The following GALNT13 variants were observed in gnomAD, a reference collection of about 807,000 sequenced individuals.
GALNT13 encodes UDP-GalNAc:polypeptide N-acetylgalactosaminyltransferase 13.
A neutral mutation model predicts 64.2 loss-of-function variants in GALNT13; 28 were observed. The observed-to-expected ratio is 0.44, with a 90% CI of 0.32 to 0.60. GALNT13 has a LOEUF of 0.60. GALNT13 is among the 20% of genes least tolerant of loss of function. GALNT13 has a pLI of 0.05. For synonymous variants in GALNT13, 214 were observed against 224.6 expected, an observed-to-expected ratio of 0.95 and a Z score of 0.42; for missense variants, 577 against 669.8, an observed-to-expected ratio of 0.86 and a Z score of 1.53.
At chr2:154,255,444 T>C (rs1369749558) in intron 7 of GALNT13, among the ~76,000 whole-genome samples, 1 of 152,166 alleles carries the variant, frequency 6.6e-6, no homozygotes, top group Non-Finnish European at 1.5e-5. Context: ...TAGAACTTAA[T>C]TCAGCAGGCT....
chr2:153,644,329 A>G, the GALNT13 span, among the ~76,000 whole-genome samples: 1 of 152,014 alleles, frequency 6.6e-6, no homozygotes, highest in African/African-American at 2.4e-5. Flanking sequence ...TTCCTTAACT[A>G]TTTTTCCTCC....
chr2:153,549,001 C>T, the GALNT13 span, among the ~76,000 whole-genome samples: 1 of 152,126 alleles, frequency 6.6e-6, no homozygotes, highest in African/African-American at 2.4e-5. Flanking sequence ...GTAAAAGAAG[C>T]CAGACACAAG....
rs775995187 is a variant in GALNT13 at position 154,050,681 on chromosome 2, CAA to C, written c.143-89654_143-89653del. Among the ~76,000 whole-genome samples, 12 of 152,100 alleles carry C rather than the reference CAA, an allele frequency of 7.9e-5. No homozygotes were observed. The East Asian group carries it at 2.1e-3, about 27-fold the overall frequency. On this transcript the variant is annotated intron_variant, in intron 3 of 12. Coordinates refer to ENST00000392825, the MANE Select transcript of GALNT13 (RefSeq NM_052917.4). ...TAAGTATCAGATGTTGTGGAGTACT[CAA>C]AGAGTGTTTTTGCCCGGTTTTAACA...
chr2:154,412,431 T>C (rs1699833942), intron 11 of GALNT13, among the ~76,000 whole-genome samples: 1 of 151,458 alleles, frequency 6.6e-6, no homozygotes, highest in African/African-American at 2.4e-5. Flanking sequence ...GTTTTGACTG[T>C]TTTATAAGTA....
At chr2:153,431,844 A>G in the GALNT13 span, among the ~76,000 whole-genome samples, 1 of 152,252 alleles carries the variant, frequency 6.6e-6, no homozygotes, top group South Asian at 2.1e-4. Context: ...CTCAACAATC[A>G]GTGAAGACAG....
At chr2:153,630,056 T>G in the GALNT13 span, among the ~76,000 whole-genome samples, 7 of 147,130 alleles carry the variant, frequency 4.8e-5, no homozygotes, top group South Asian at 6.7e-4. Context: ...GGTGGGACTG[T>G]AAACTAGTTC....
chr2:153,241,618 A>T, the GALNT13 span, among the ~76,000 whole-genome samples: 1 of 151,602 alleles, frequency 6.6e-6, no homozygotes, highest in Non-Finnish European at 1.5e-5. Flanking sequence ...TACCAGCAAA[A>T]TGTGTAAAAA....
intron 4 of GALNT13, among the ~76,000 whole-genome samples, chr2:154,223,077 T>A (rs2105826030): frequency 6.6e-6 from 1 of 152,286 alleles, no homozygotes; most frequent in East Asian, 1.9e-4. Flanking sequence ...GTTAAATTAT[T>A]TGAAGATAGA....
the GALNT13 span, among the ~76,000 whole-genome samples, chr2:153,599,554 T>C: frequency 2.0e-5 from 3 of 151,988 alleles, no homozygotes; most frequent in Admixed American, 1.3e-4. Flanking sequence ...ATTTAGTAGA[T>C]GGTAAGGCTG....
intron 2 of GALNT13, among the ~76,000 whole-genome samples, chr2:153,923,787 G>A (rs1389429094): frequency 6.7e-6 from 1 of 149,598 alleles, no homozygotes; most frequent in Non-Finnish European, 1.5e-5. Flanking sequence ...GAGAACATGC[G>A]GTGTTTGTTT....
At chr2:153,214,407 G>A in the GALNT13 span, among the ~76,000 whole-genome samples, 1 of 152,094 alleles carries the variant, frequency 6.6e-6, no homozygotes, top group African/African-American at 2.4e-5. Flanking sequence ...AGGAGAGTTT[G>A]CCAGGAGGTA....
At chr2:154,382,799 TAAATATAAG>T (rs1698334907) in intron 9 of GALNT13, among the ~76,000 whole-genome samples, 1 of 147,258 alleles carries the variant, frequency 6.8e-6, no homozygotes, top group Non-Finnish European at 1.5e-5. Context: ...TTTTTTTTTT[TAAATATAAG>T]TTTCTACTGT....
At chr2:153,472,401 T>G in the GALNT13 span, among the ~76,000 whole-genome samples, 2 of 152,230 alleles carry the variant, frequency 1.3e-5, no homozygotes, top group Non-Finnish European at 2.9e-5. Context: ...CTTACTCTTG[T>G]GGGTAGAGTA....
At chr2:154,425,804 T>C (rs1320669784) in intron 11 of GALNT13, among the ~76,000 whole-genome samples, 5 of 152,140 alleles carry the variant, frequency 3.3e-5, no homozygotes, top group African/African-American at 7.2e-5. Flanking sequence ...ACAAGACAGA[T>C]TAAACACACA....
intron 3 of GALNT13, among the ~76,000 whole-genome samples, chr2:154,078,189 A>G (rs1701089525): frequency 6.6e-6 from 1 of 151,532 alleles, no homozygotes; most frequent in Non-Finnish European, 1.5e-5. Flanking sequence ...ATTGACTACC[A>G]TCAGATTTAC....
the GALNT13 span, among the ~76,000 whole-genome samples, chr2:153,524,321 CTTTTTT>C: frequency 7.4e-6 from 1 of 135,112 alleles, no homozygotes. Context: ...TATTCCTTCT[CTTTTTT>C]TTTTTTTTTT....
At chr2:153,305,905 A>G in the GALNT13 span, among the ~76,000 whole-genome samples, 21 of 152,222 alleles carry the variant, frequency 1.4e-4, 1 homozygote, top group Non-Finnish European at 2.6e-4. Context: ...TTGCTAAAGC[A>G]TCTTCACTGG....
the GALNT13 span, among the ~76,000 whole-genome samples, chr2:153,242,241 A>T: frequency 6.6e-6 from 1 of 152,152 alleles, no homozygotes; most frequent in Admixed American, 6.5e-5. Context: ...GAATGATTCT[A>T]TTCTGGCTTA....
At chr2:153,089,408 C>G in the GALNT13 span, among the ~76,000 whole-genome samples, 4 of 152,110 alleles carry the variant, frequency 2.6e-5, no homozygotes, top group Non-Finnish European at 5.9e-5. Flanking sequence ...TCTTCAGATT[C>G]TTTCCTTTGT....
Sources: gnomAD v4.1 joint callset for allele counts (sites outside exome capture counted in the v4.1 genomes callset) on GRCh38, gnomAD v4.1.1 for gene constraint, MANE v1.5 for transcripts, NCBI Gene and HGNC (gene_info 2026-07-23, HGNC 2026-07-21) for gene names.